The following PRELID2 variants were observed in gnomAD, a reference collection of about 807,000 sequenced individuals.
PRELID2 encodes the protein PRELI domain containing 2.
Under a neutral mutation model 28.4 loss-of-function variants are expected in PRELID2, and 25 were observed. That is an observed-to-expected ratio of 0.88 (90% CI 0.64 to 1.23). PRELID2 has a LOEUF of 1.23. PRELID2 is among the 50% of genes most tolerant of loss of function. The pLI is 0.00. For missense variants in PRELID2, 201 were observed against 214.4 expected (o/e 0.94, Z 0.39); for synonymous variants, 76 against 71.6 (o/e 1.06, Z -0.31).
intron 1 of PRELID2, among the ~76,000 whole-genome samples, chr5:145,710,753 G>A (rs79927003): frequency 0.015 from 2,237 of 152,308 alleles, 19 homozygotes; most frequent in Non-Finnish European, 0.023. Flanking sequence ...TCATCTGCAT[G>A]CCAAGTAGCA....
chr5:145,594,109 G>A (rs984989705), intron 1 of PRELID2, among the ~76,000 whole-genome samples: 56 of 152,242 alleles, frequency 3.7e-4, no homozygotes, highest in East Asian at 1.9e-4. Flanking sequence ...GATGGGCTGT[G>A]AGATTCTGAT....
chr5:145,766,240 G>A (rs1195508839), intron 5 of PRELID2, among the ~76,000 whole-genome samples: 2 of 152,106 alleles, frequency 1.3e-5, no homozygotes, highest in African/African-American at 2.4e-5. Context: ...TTGCAGAGAA[G>A]AATAATGATA....
chr5:145,470,275 A>G (rs572060883), downstream of PRELID2, among the ~76,000 whole-genome samples: 17 of 152,244 alleles, frequency 1.1e-4, no homozygotes, highest in African/African-American at 4.1e-4. Flanking sequence ...CTGTGGTCCA[A>G]TAAGACTTTC....
At chr5:145,298,628 C>T in the PRELID2 span, among the ~76,000 whole-genome samples, 2 of 152,002 alleles carry the variant, frequency 1.3e-5, no homozygotes. Flanking sequence ...CATTTTCTGC[C>T]ATGTGATGAT....
the PRELID2 span, among the ~76,000 whole-genome samples, chr5:145,375,998 G>T: frequency 1.8e-4 from 28 of 152,298 alleles, no homozygotes; most frequent in East Asian, 4.3e-3. Context: ...AATGCTTCCA[G>T]CTTTTGCCGT....
At chr5:145,536,107 A>G (rs1405947935) in intron 1 of PRELID2, among the ~76,000 whole-genome samples, 1 of 151,952 alleles carries the variant, frequency 6.6e-6, no homozygotes, top group African/African-American at 2.4e-5. Context: ...AAAGCTCTTT[A>G]AAAATGAAGA....
At chr5:145,381,312 G>C in the PRELID2 span, among the ~76,000 whole-genome samples, 7 of 152,246 alleles carry the variant, frequency 4.6e-5, no homozygotes, top group East Asian at 1.4e-3. Context: ...TTTCAGAGAG[G>C]CTTGAAAATG....
chr5:145,424,050 G>C, the PRELID2 span, among the ~76,000 whole-genome samples: 20 of 150,476 alleles, frequency 1.3e-4, no homozygotes, highest in Non-Finnish European at 1.6e-4. Flanking sequence ...GGCTGCTCGG[G>C]GGTCAGGGGT....
chr5:145,806,589 G>A (rs566995848), intron 4 of PRELID2, among the ~76,000 whole-genome samples: 207 of 152,286 alleles, frequency 1.4e-3, no homozygotes, highest in Middle Eastern at 3.4e-3. Flanking sequence ...AAATGGTATT[G>A]TAATTACATA....
intron 1 of PRELID2, among the ~76,000 whole-genome samples, chr5:145,512,707 G>A (rs1444059088): frequency 6.6e-6 from 1 of 152,176 alleles, no homozygotes; most frequent in Non-Finnish European, 1.5e-5. Flanking sequence ...TTCCCAGCAG[G>A]GGTCAACCGA....
chr5:145,594,212 T>C (rs1753270738), intron 1 of PRELID2, among the ~76,000 whole-genome samples: 1 of 152,158 alleles, frequency 6.6e-6, no homozygotes, highest in Non-Finnish European at 1.5e-5. Flanking sequence ...ATTTATAAAT[T>C]AAAAATAATT....
Position 145,604,074 on chromosome 5 carries a change from T to A in PRELID2, n.71-130759A>T, listed in dbSNP as rs552430537. 1.8e-4 allele frequency among the ~76,000 whole-genome samples: 28 copies of A among 152,226 alleles called. 1 individual carries two copies. The East Asian group carries it at 5.4e-3, about 29-fold the overall frequency. On this transcript the variant is annotated intron_variant and non_coding_transcript_variant, in intron 1 of 2. Coordinates refer to the PRELID2 transcript ENST00000510259. ...TTTTTTAGTAATTAGGTCAGATTTT[T>A]AAATTATATTTATATTTTTCTCTTT...
intron 1 of PRELID2, among the ~76,000 whole-genome samples, chr5:145,825,225 C>CAAAAAAAAAA (rs56818178): frequency 9.9e-5 from 6 of 60,402 alleles, no homozygotes; most frequent in African/African-American, 1.1e-4. Flanking sequence ...GACTCTGTCT[C>CAAAAAAAAAA]AAAAAAAAAA....
chr5:145,793,460 T>A (rs1752528041), intron 5 of PRELID2, among the ~76,000 whole-genome samples: 1 of 152,128 alleles, frequency 6.6e-6, no homozygotes, highest in Non-Finnish European at 1.5e-5. Context: ...TGTGAAGGTT[T>A]ATCAGGAAGT....
chr5:145,603,051 T>G (rs1014726760), intron 1 of PRELID2, among the ~76,000 whole-genome samples: 6 of 151,770 alleles, frequency 4.0e-5, no homozygotes, highest in Admixed American at 3.9e-4. Flanking sequence ...AAACTCCATC[T>G]CAAGAAACGT....
the PRELID2 span, among the ~76,000 whole-genome samples, chr5:145,276,605 A>G: frequency 1.3e-5 from 2 of 152,170 alleles, no homozygotes; most frequent in Non-Finnish European, 2.9e-5. Context: ...CTTTATAAAA[A>G]AAAGTCACCT....
chr5:145,325,781 T>G, the PRELID2 span, among the ~76,000 whole-genome samples: 1 of 152,180 alleles, frequency 6.6e-6, no homozygotes, highest in Non-Finnish European at 1.5e-5. Context: ...TTGTCTTTTT[T>G]CTGCTTTTCT....
chr5:145,595,035 G>A (rs1331983979), intron 1 of PRELID2, among the ~76,000 whole-genome samples: 2 of 151,954 alleles, frequency 1.3e-5, no homozygotes, highest in Non-Finnish European at 2.9e-5. Context: ...GGCTGAGGCA[G>A]GAGAATTGCT....
chr5:145,271,284 G>A, the PRELID2 span, among the ~76,000 whole-genome samples: 1 of 152,056 alleles, frequency 6.6e-6, no homozygotes, highest in Non-Finnish European at 1.5e-5. Flanking sequence ...CACCCAGGCT[G>A]GAGTGCAGTA....
Sources: allele counts gnomAD v4.1 joint callset (sites outside exome capture counted in the v4.1 genomes callset), GRCh38; gene constraint gnomAD v4.1.1; transcripts MANE v1.5; gene names NCBI Gene and HGNC (gene_info 2026-07-23, HGNC 2026-07-21).